The following CARD8 variants were observed in gnomAD, a reference collection of about 807,000 sequenced individuals.
CARD8 encodes the protein caspase recruitment domain-containing protein 8.
CARD8 carries 38 observed loss-of-function variants against 53.2 expected under a neutral mutation model. That is an observed-to-expected ratio of 0.71 (90% confidence interval 0.55 to 0.94). CARD8 has a LOEUF of 0.94. Ranked by LOEUF, CARD8 falls within the 40% of genes least tolerant of loss-of-function variation. CARD8 has a pLI of 0.00. For missense variants in CARD8, 561 were observed against 655.5 expected (o/e 0.86, Z 1.57); for synonymous variants, 245 against 244.9 (o/e 1.00, Z 0.00).
chr19:48,227,356 G>A (rs1318262572), intron 10 of CARD8, among the ~76,000 whole-genome samples: 1 of 152,140 alleles, frequency 6.6e-6, no homozygotes, highest in Admixed American at 6.5e-5. Context: ...TCCTCTGCTT[G>A]TGGGGAATTC....
intron 1 of CARD8, among the ~76,000 whole-genome samples, chr19:48,253,240 C>T (rs2147165162): frequency 6.6e-6 from 1 of 152,204 alleles, no homozygotes; most frequent in Non-Finnish European, 1.5e-5. Context: ...TATGCATCAC[C>T]ATGCCTGGCT....
intron 13 of CARD8, among the ~76,000 whole-genome samples, chr19:48,214,423 G>A (rs1047645159): frequency 5.3e-5 from 8 of 152,224 alleles, no homozygotes; most frequent in East Asian, 1.9e-4. Context: ...AAGATCTCGG[G>A]AACTGGGCCA....
chr19:48,204,100 A>C, downstream of CARD8: 3 of 450,860 alleles, frequency 6.7e-6, no homozygotes, highest in South Asian at 1.6e-5. Flanking sequence ...GCCCGCTTGG[A>C]TCTCCTTGTC....
chr19:48,250,988 A>G (rs956425562), intron 1 of CARD8, among the ~76,000 whole-genome samples: 3 of 152,342 alleles, frequency 2.0e-5, no homozygotes, highest in African/African-American at 7.2e-5. Context: ...AAGACAACTA[A>G]TTGAAGAACT....
At chr19:48,238,900 A>G (rs1418102788) in intron 4 of CARD8, among the ~76,000 whole-genome samples, 2 of 152,170 alleles carry the variant, frequency 1.3e-5, no homozygotes, top group South Asian at 2.1e-4. Context: ...AACTAACTGC[A>G]TTGCTGTTAC....
At chr19:48,207,695 C>T (rs1599963433), downstream of CARD8, among the ~76,000 whole-genome samples, 1 of 136,158 alleles carries the variant, frequency 7.3e-6, no homozygotes, top group Non-Finnish European at 1.6e-5. Context: ...TTAGTAGCTT[C>T]ATTCTAATGA....
intron 1 of CARD8, among the ~76,000 whole-genome samples, chr19:48,252,808 T>TATACACACACAC (rs113740488): frequency 1.8e-4 from 27 of 148,298 alleles, no homozygotes; most frequent in Middle Eastern, 3.4e-3. Flanking sequence ...TATCAGTATA[T>TATACACACACAC]ACACACACAC....
chr19:48,216,968 G>C (rs1308231286), intron 12 of CARD8, among the ~76,000 whole-genome samples: 1 of 151,802 alleles, frequency 6.6e-6, no homozygotes, highest in Non-Finnish European at 1.5e-5. Flanking sequence ...CTGCAACTAG[G>C]TGGTCCCATC....
chr19:48,223,887 A>G (rs1426553787), intron 10 of CARD8: 2 of 456,338 alleles, frequency 4.4e-6, no homozygotes, highest in Admixed American at 4.7e-5. Flanking sequence ...TATAAGGCAC[A>G]CAACAAATAT....
rs759781205 is a variant in CARD8 at position 48,211,713 on chromosome 19, C to G, written c.1611G>C (p.Leu537Phe). 2 of 1,612,976 alleles carry G rather than the reference C, an allele frequency of 1.2e-6. No individual in the cohort carries two copies. The change falls in exon 14 of 14, where the codon TTG becomes TTC. Residue 537 changes from leucine (L) to phenylalanine (F), a missense_variant. Leu to Phe is a conservative substitution (Grantham distance 22). Coordinates refer to ENST00000651546, the MANE Select transcript of CARD8 (RefSeq NM_001184900.3). Reference protein sequence around the residue: ...YLVSYLRQQNL With the variant: ...YLVSYLRQQNF ...CAGACTACCTAACTGACTCATTTTA[C>G]AAATTCTGCTGTCTAAGATAGGACA...
chr19:48,230,767 CCCA>C lies in CARD8; in HGVS notation c.772+7_772+9del, dbSNP rs754852892. ...AGCGGCCCCCACAGCCTCCGCTCACCCCACATTACCTTGGAGGGAGATGAAGTG... is the reference window on the plus strand; with the variant it reads ...AGCGGCCCCCACAGCCTCCGCTCACCCATTACCTTGGAGGGAGATGAAGTG... On this transcript the variant is annotated splice_region_variant and intron_variant, in intron 9 of 13. Coordinates refer to ENST00000651546, the MANE Select transcript of CARD8 (RefSeq NM_001184900.3). 1.9e-6 allele frequency: 3 copies of C among 1,613,824 alleles called. No homozygotes were observed. The highest frequency in any genetic ancestry group is 2.2e-5 in the South Asian group (2 of 91,070).
downstream of CARD8, among the ~76,000 whole-genome samples, chr19:48,205,574 A>G (rs569387873): frequency 6.6e-6 from 1 of 152,264 alleles, no homozygotes; most frequent in South Asian, 2.1e-4. Flanking sequence ...AGCTACTTGT[A>G]CCCATCTCTG....
intron 3 of CARD8, among the ~76,000 whole-genome samples, chr19:48,242,212 G>A (rs2045280539): frequency 6.6e-6 from 1 of 152,104 alleles, no homozygotes; most frequent in Admixed American, 6.6e-5. Context: ...CCTCATGAAT[G>A]GTCTCAACGC....
intron 3 of CARD8, among the ~76,000 whole-genome samples, chr19:48,243,259 C>T (rs1281186846): frequency 6.6e-6 from 1 of 152,082 alleles, no homozygotes; most frequent in African/African-American, 2.4e-5. Context: ...GTGATCCTCC[C>T]GCCTCAGCCT....
At chr19:48,216,289 T>C (rs1406230330) in intron 12 of CARD8, among the ~76,000 whole-genome samples, 2 of 152,226 alleles carry the variant, frequency 1.3e-5, no homozygotes, top group Admixed American at 6.5e-5. Flanking sequence ...GGCTGTGAAC[T>C]AGATTGCATT....
intron 3 of CARD8, among the ~76,000 whole-genome samples, chr19:48,245,893 C>T (rs926355932): frequency 6.7e-6 from 1 of 148,404 alleles, no homozygotes; most frequent in Admixed American, 6.8e-5. Flanking sequence ...ATTGTATATG[C>T]AATTGTAATA....
chr19:48,211,895 C>G lies in CARD8; in HGVS notation c.1429G>C (p.Asp477His). The change falls in exon 14 of 14, where the codon GAC (aspartate) becomes CAC (histidine). Residue 477 changes from aspartate (D) to histidine (H), a missense_variant. By Grantham distance (81) the Asp-to-His change is moderately conservative. Transcript: ENST00000651546. ...TCATTCTCAGTAAGAACCTCATTGT[C>G]TTGGAGATCATCGAGCACCCCTTTC... ...DLKGVLDDLQ[D>H]NEVLTENEKE... The G allele has an allele frequency of 6.2e-7, 1 of 1,614,104 alleles. No individual in the cohort carries two copies. Among genetic ancestry groups the G allele is most frequent in the Non-Finnish European group, 8.5e-7 (1 of 1,179,998 alleles).
chr19:48,224,771 T>C (rs2041392680), intron 10 of CARD8, among the ~76,000 whole-genome samples: 1 of 149,496 alleles, frequency 6.7e-6, no homozygotes, highest in Non-Finnish European at 1.5e-5. Flanking sequence ...TTTTTTTTTT[T>C]TTGAGATGGA....
downstream of CARD8, among the ~76,000 whole-genome samples, chr19:48,205,630 G>C (rs902925794): frequency 6.6e-6 from 1 of 152,174 alleles, no homozygotes; most frequent in African/African-American, 2.4e-5. Context: ...CTATGAGGTA[G>C]CGTTACTGTC....
Sources: allele counts gnomAD v4.1 joint callset (sites outside exome capture counted in the v4.1 genomes callset), GRCh38; gene constraint gnomAD v4.1.1; transcripts MANE v1.5; gene names NCBI Gene and HGNC (gene_info 2026-07-23, HGNC 2026-07-21).